Variants in SNRPN observed in about 807,000 individuals in gnomAD.
SNRPN encodes the protein small nuclear ribonucleoprotein-associated protein N.
A neutral mutation model predicts 25.2 loss-of-function variants in SNRPN; 7 were observed. The ratio of observed to expected loss-of-function variants is 0.28; its 90% CI spans 0.16 to 0.52. The LOEUF (loss-of-function observed/expected upper bound fraction) is 0.52. Ranked by LOEUF, SNRPN falls within the 20% of genes least tolerant of loss-of-function variation. The pLI is 0.96. For synonymous variants in SNRPN, 124 were observed against 110.6 expected, an observed-to-expected ratio of 1.12 and a Z score of -0.76; for missense variants, 196 against 322.5, an observed-to-expected ratio of 0.61 and a Z score of 3.00.
rs746850651 is a variant in SNRPN at position 24,929,199 on chromosome 15, A to G, written c.-391+9075A>G. On this transcript the variant is annotated intron_variant, in intron 3 of 11. Transcript: ENST00000400097. This position sits in a 1 kb window ranked among gnomAD's most constrained non-coding sequence, Gnocchi z 5.3. The stretch of plus-strand genomic sequence containing the variant: ...TGTGTGTATGTGTATATATATCTTC[A>G]TGTATTTATAGTGATATTTTCCATC... Among the ~76,000 whole-genome samples the G allele has an allele frequency of 6.6e-6, 1 of 151,970 alleles. No homozygotes were observed. Among genetic ancestry groups the G allele is most frequent in the Non-Finnish European group, 1.5e-5 (1 of 68,020 alleles).
At chr15:24,966,158 G>T (rs2075595320) in intron 2 of SNRPN, among the ~76,000 whole-genome samples, 1 of 152,088 alleles carries the variant, frequency 6.6e-6, no homozygotes, top group African/African-American at 2.4e-5. Context: ...CTCCAGGGTT[G>T]GCAGGGCACC....
rs989852206 is a variant in SNRPN at position 24,871,985 on chromosome 15, G to T, written c.-578-14531G>T. On this transcript the variant is annotated intron_variant, in intron 1 of 11. Transcript: ENST00000400097. ...CTCCCAAAGTGCTAGGATTACAGGC[G>T]TAAGCCACCACGCCCGGCCTTTTGT... Among the ~76,000 whole-genome samples, 2 of 120,450 alleles carry T rather than the reference G, an allele frequency of 1.7e-5. 1 individual carries two copies. Among genetic ancestry groups the T allele is most frequent in the East Asian group, 5.8e-4 (2 of 3,456 alleles). 79.0% of individuals were successfully genotyped at this position (120,450 alleles called of 152,430 possible). A position where few individuals can be genotyped will look rare whatever the true frequency, so the allele number is the denominator to read the frequency against.
chr15:24,897,485 TTGAA>T (rs2058145556), intron 2 of SNRPN, among the ~76,000 whole-genome samples: 1 of 152,024 alleles, frequency 6.6e-6, no homozygotes, highest in Admixed American at 6.6e-5. Context: ...ATTCTGGAGG[TTGAA>T]TGGGAAGATT....
chr15:24,834,751 C>CTCTCTCTCTCTCTATATATATATGTATA lies in SNRPN; in HGVS notation c.-579+4847_-579+4848insCTCTCTCTCTCTATATATATATGTATAT. 4.9e-4 allele frequency among the ~76,000 whole-genome samples: 30 copies of CTCTCTCTCTCTCTATATATATATGTATA among 60,950 alleles called. 1 individual carries two copies. Among genetic ancestry groups the CTCTCTCTCTCTCTATATATATATGTATA allele is most frequent in the African/African-American group, 1.8e-3 (30 of 16,856 alleles). 40.0% of individuals were successfully genotyped at this position (60,950 alleles called of 152,430 possible). A position where few individuals can be genotyped will look rare whatever the true frequency, so the allele number is the denominator to read the frequency against. On this transcript the variant is annotated intron_variant, in intron 2 of 12. Transcript: ENST00000400100. ...TCCCTCTCTCTCTCTCTCTCTCTCT[C>CTCTCTCTCTCTCTATATATATATGTATA]TATATATATATATATATATATATAT...
At chr15:24,826,519 G>A (rs1222671528) in intron 1 of SNRPN, among the ~76,000 whole-genome samples, 1 of 152,040 alleles carries the variant, frequency 6.6e-6, no homozygotes, top group South Asian at 2.1e-4. Context: ...TACAAACCCT[G>A]TTAGTTTTTC....
intron 3 of SNRPN, among the ~76,000 whole-genome samples, chr15:24,930,703 C>T (rs2060781626): frequency 6.6e-6 from 1 of 151,602 alleles, no homozygotes; most frequent in East Asian, 1.9e-4. Context: ...AGTTCAAGAC[C>T]AGACTGGCCA....
At chr15:24,874,390 T>A (rs1437829472) in intron 1 of SNRPN, among the ~76,000 whole-genome samples, 1 of 146,406 alleles carries the variant, frequency 6.8e-6, no homozygotes, top group African/African-American at 2.6e-5. Flanking sequence ...GAGTGACCAA[T>A]GTCAGAGTGG....
intron 3 of SNRPN, among the ~76,000 whole-genome samples, chr15:24,946,939 A>G (rs777105028): frequency 5.9e-5 from 9 of 152,208 alleles, no homozygotes; most frequent in African/African-American, 2.2e-4. Context: ...AGCTGCTCAC[A>G]TAGAGTGCAG....
At chr15:24,962,313 G>T in intron 2 of SNRPN, 104 bp downstream of exon 2, 1 of 896,092 alleles carries the variant, frequency 1.1e-6, no homozygotes, top group South Asian at 1.4e-5. Context: ...AATTGAAGAA[G>T]CAGACACATC....
intron 3 of SNRPN, among the ~76,000 whole-genome samples, chr15:24,936,876 T>C (rs1023585060): frequency 6.6e-6 from 1 of 152,064 alleles, no homozygotes; most frequent in East Asian, 1.9e-4. Context: ...ACCAAAGAAA[T>C]ATTTTACTTA....
At chr15:24,965,334 T>G (rs2075449915) in intron 2 of SNRPN, among the ~76,000 whole-genome samples, 1 of 151,970 alleles carries the variant, frequency 6.6e-6, no homozygotes, top group African/African-American at 2.4e-5. Flanking sequence ...GGTCAGGAGT[T>G]CAAGACCAGC....
intron 3 of SNRPN, among the ~76,000 whole-genome samples, chr15:24,942,819 T>G (rs1187494597): frequency 6.6e-6 from 1 of 152,082 alleles, no homozygotes; most frequent in East Asian, 1.9e-4. Context: ...GTGGCCATAG[T>G]TAGGTTGGTC....
chr15:24,900,648 C>T (rs1056090085), intron 2 of SNRPN, among the ~76,000 whole-genome samples: 8 of 152,092 alleles, frequency 5.3e-5, no homozygotes, highest in Non-Finnish European at 1.2e-4. Context: ...CACACTATGA[C>T]CTGTAGGAAA....
At chr15:24,852,617 T>A (rs541549386), upstream of SNRPN, among the ~76,000 whole-genome samples, 9 of 152,272 alleles carry the variant, frequency 5.9e-5, no homozygotes, top group South Asian at 1.0e-3. Context: ...AACATATTAG[T>A]TAGAAGTATT....
intron 2 of SNRPN, among the ~76,000 whole-genome samples, chr15:24,914,917 A>G (rs1439576488): frequency 6.6e-6 from 1 of 152,012 alleles, no homozygotes; most frequent in African/African-American, 2.4e-5. Context: ...ACCAAGAAGC[A>G]GGGTTGGGGT....
upstream of SNRPN, among the ~76,000 whole-genome samples, chr15:24,954,364 C>T (rs559371539): frequency 1.1e-4 from 17 of 152,078 alleles, no homozygotes; most frequent in Admixed American, 3.9e-4. Context: ...AATTGAATAG[C>T]CAGTGTTTTT....
chr15:24,889,530 C>T (rs1477838424), intron 2 of SNRPN, among the ~76,000 whole-genome samples: 2 of 151,444 alleles, frequency 1.3e-5, no homozygotes, highest in Non-Finnish European at 2.9e-5. Context: ...TGGTCTTGAT[C>T]TCCTGACCTC....
chr15:24,974,321 C>T lies in SNRPN; in HGVS notation c.-133C>T. 1 of 805,496 alleles carries T rather than the reference C, an allele frequency of 1.2e-6. No individual in the cohort carries two copies. Among genetic ancestry groups the T allele is most frequent in the Middle Eastern group, 2.3e-4 (1 of 4,392 alleles). 49.9% of individuals were successfully genotyped at this position (805,496 alleles called of 1,614,324 possible). The stretch of plus-strand genomic sequence containing the variant: ...TGCTTTCCTCTGCAGGCTCCATCTA[C>T]TCTTTGAAGCTTCTGCCCAGCTTGC... On this transcript the variant is annotated 5_prime_UTR_variant, in exon 4 of 10. Transcript: ENST00000390687.
At chr15:24,829,407 A>C (rs2050339134) in intron 1 of SNRPN, among the ~76,000 whole-genome samples, 2 of 152,048 alleles carry the variant, frequency 1.3e-5, no homozygotes, top group Admixed American at 6.5e-5. Context: ...AGGAGGAAAC[A>C]GTGTGTCTGT....
Sources: gnomAD v4.1 joint callset for allele counts (sites outside exome capture counted in the v4.1 genomes callset) on GRCh38, gnomAD v4.1.1 for gene constraint, Gnocchi (gnomAD v3.1) non-coding constraint, MANE v1.5 for transcripts, NCBI Gene and HGNC (gene_info 2026-07-23, HGNC 2026-07-21) for gene names.